SPINT2: variants seen among roughly 807,000 people sequenced by gnomAD.
SPINT2 encodes the protein kunitz-type protease inhibitor 2.
SPINT2 carries 18 observed loss-of-function variants against 30.1 expected under a neutral mutation model. The ratio of observed to expected loss-of-function variants is 0.60; its 90% CI spans 0.41 to 0.89. The LOEUF is 0.89. SPINT2 is among the 40% of genes least tolerant of loss of function. The probability of loss-of-function intolerance (pLI) is 0.00; values close to 1 mark genes in which losing one functional copy is unlikely to be tolerated. For missense variants in SPINT2, 276 were observed against 334.3 expected, an observed-to-expected ratio of 0.83 and a Z score of 1.36; for synonymous variants, 139 against 137.9, an observed-to-expected ratio of 1.01 and a Z score of -0.05.
At chr19:38,278,820 G>T (rs1402419685) in intron 1 of SPINT2, among the ~76,000 whole-genome samples, 4 of 151,980 alleles carry the variant, frequency 2.6e-5, no homozygotes, top group Non-Finnish European at 5.9e-5. Flanking sequence ...TAAATACAAG[G>T]TTTTTGCAGA....
chr19:38,288,333 C>T (rs1043816535), intron 3 of SPINT2: 6 of 360,082 alleles, frequency 1.7e-5, no homozygotes, highest in South Asian at 6.8e-5. Context: ...CTGTTGCCAT[C>T]GCTGTCCCCT....
chr19:38,274,971 G>A (rs1434756641), intron 1 of SPINT2, among the ~76,000 whole-genome samples: 1 of 152,164 alleles, frequency 6.6e-6, no homozygotes, highest in Non-Finnish European at 1.5e-5. Context: ...TCTGGATGGT[G>A]GCCCAGAGGA....
chr19:38,278,502 G>A (rs1383768119), intron 1 of SPINT2, among the ~76,000 whole-genome samples: 1 of 152,224 alleles, frequency 6.6e-6, no homozygotes, highest in Non-Finnish European at 1.5e-5. Flanking sequence ...TGATATGCCA[G>A]GCATCATGCT....
At position 38,283,671 on chromosome 19, in the gene SPINT2, A is replaced by G. The variant is rs202094610; in HGVS notation, c.151A>G (p.Met51Val). ...SKVVGRCRAS[M>V]PRWWYNVTDG... is the part of the protein sequence containing the mutation. ...GGTGGTGGGCAGATGCCGGGCCTCC[A>G]TGCCTAGGTGGTGGTACAATGTCAC... The change falls in exon 2 of 7, where the codon ATG (methionine) becomes GTG (valine). Residue 51 changes from methionine to valine, a missense_variant. Transcript: ENST00000301244. 132 of 1,614,050 alleles carry G rather than the reference A, an allele frequency of 8.2e-5. 2 individuals are homozygous for G. The highest frequency in any genetic ancestry group is 7.6e-4 in the South Asian group (69 of 91,074).
chr19:38,264,838 A>G lies in SPINT2; in HGVS notation c.-55A>G. The G allele has an allele frequency of 1.5e-5, 23 of 1,514,062 alleles. No homozygotes were observed. The highest frequency in any genetic ancestry group is 2.0e-5 in the Non-Finnish European group (23 of 1,129,928). The allele number at this position is 1,514,062 out of a possible 1,614,324, so 93.8% of individuals were successfully genotyped here. A position where few individuals can be genotyped will look rare whatever the true frequency, so the allele number is the denominator to read the frequency against. ...CGCGTTGAGGGGCTTCCCGCACCTG[A>G]TCGCGAGACCCCAACGGCTGGTGGC... On this transcript the variant is annotated 5_prime_UTR_variant, in exon 1 of 7. Coordinates refer to ENST00000301244, the MANE Select transcript of SPINT2 (RefSeq NM_021102.4).
At chr19:38,289,269 A>G in intron 4 of SPINT2, 78 bp downstream of exon 4, 22 of 1,273,536 alleles carry the variant, frequency 1.7e-5, no homozygotes, top group Non-Finnish European at 2.4e-5. Flanking sequence ...TGGGCGGATC[A>G]CGAGGTCAGG....
intron 1 of SPINT2, among the ~76,000 whole-genome samples, chr19:38,277,745 C>T (rs775286866): frequency 1.3e-5 from 2 of 152,192 alleles, no homozygotes; most frequent in Non-Finnish European, 2.9e-5. Flanking sequence ...AGAATGCCTG[C>T]GAGGATTTTG....
intron 1 of SPINT2, among the ~76,000 whole-genome samples, chr19:38,271,365 G>A (rs909261364): frequency 2.6e-5 from 4 of 151,920 alleles, no homozygotes; most frequent in African/African-American, 9.7e-5. Flanking sequence ...GGTGGCGGGC[G>A]CCTATAGTCC....
At position 38,290,519 on chromosome 19, in the gene SPINT2, C is replaced by G; in HGVS notation, c.554-18C>G. On this transcript the variant is annotated intron_variant, in intron 5 of 6. Transcript: ENST00000301244. The surrounding 1 kb of genome is among the most constrained non-coding windows in gnomAD (Gnocchi z 4.3). Reference sequence around the variant, plus strand: ...ATGGGGGCTGTGAGCTGACCTCAGGCTGTGTGTTCTCTTCCAGGCCAGCAG... The same window carrying G: ...ATGGGGGCTGTGAGCTGACCTCAGGGTGTGTGTTCTCTTCCAGGCCAGCAG... The G allele has an allele frequency of 6.2e-7, 1 of 1,614,064 alleles. No individual in the cohort carries two copies. The highest frequency in any genetic ancestry group is 8.5e-7 in the Non-Finnish European group (1 of 1,179,976).
At chr19:38,284,432 G>A (rs1968618266) in intron 2 of SPINT2, among the ~76,000 whole-genome samples, 2 of 152,190 alleles carry the variant, frequency 1.3e-5, no homozygotes, top group Non-Finnish European at 2.9e-5. Context: ...TAACTGGAAT[G>A]TGGATACTTT....
At chr19:38,287,093 G>A (rs1292564127) in intron 2 of SPINT2, among the ~76,000 whole-genome samples, 5 of 151,892 alleles carry the variant, frequency 3.3e-5, no homozygotes, top group South Asian at 2.1e-4. Flanking sequence ...GTGTGATCTC[G>A]GCTCACTACA....
chr19:38,274,608 A>T (rs1331199978), intron 1 of SPINT2, among the ~76,000 whole-genome samples: 1 of 152,088 alleles, frequency 6.6e-6, no homozygotes, highest in African/African-American at 2.4e-5. Context: ...ACTTGAGGTT[A>T]GGAGTTTGAG....
rs1290829258 is a variant in SPINT2, at chr19:38,292,248, C to CT, written c.*245dup. The CT allele has an allele frequency of 2.0e-6, 1 of 500,998 alleles. No homozygotes were observed. The allele number at this position is 500,998 out of a possible 1,614,324, so 31.0% of individuals were successfully genotyped here. A position where few individuals can be genotyped will look rare whatever the true frequency, so the allele number is the denominator to read the frequency against. On this transcript the variant is annotated 3_prime_UTR_variant, in exon 7 of 7. Coordinates refer to ENST00000301244, the MANE Select transcript of SPINT2 (RefSeq NM_021102.4). ...GAGTTGTTTCCTCGCTGATCGATTT[C>CT]TTTCCTCCAGGTAGAGTTTTCTTTG...
intron 2 of SPINT2, among the ~76,000 whole-genome samples, chr19:38,287,396 C>T (rs888816579): frequency 3.9e-5 from 6 of 151,928 alleles, no homozygotes; most frequent in Non-Finnish European, 5.9e-5. Context: ...GATGGGTTTT[C>T]GCAGTGTCGG....
At chr19:38,271,258 G>A (rs183610677) in intron 1 of SPINT2, among the ~76,000 whole-genome samples, 98 of 152,194 alleles carry the variant, frequency 6.4e-4, no homozygotes, top group African/African-American at 2.3e-3. Context: ...TTGGGAGGCC[G>A]AGGCAGGCGG....
chr19:38,277,872 C>T (rs532968383), intron 1 of SPINT2, among the ~76,000 whole-genome samples: 32 of 152,284 alleles, frequency 2.1e-4, no homozygotes, highest in African/African-American at 7.5e-4. Context: ...TATTCTGAAG[C>T]TTATGAGTTC....
intron 1 of SPINT2, among the ~76,000 whole-genome samples, chr19:38,271,425 G>A (rs1010377532): frequency 5.3e-5 from 8 of 151,996 alleles, no homozygotes; most frequent in African/African-American, 1.9e-4. Flanking sequence ...CCAGGAAGTG[G>A]AGCTTGCAGT....
chr19:38,271,327 TAAAA>T (rs976619786), intron 1 of SPINT2, among the ~76,000 whole-genome samples: 7 of 150,592 alleles, frequency 4.6e-5, no homozygotes, highest in Non-Finnish European at 1.0e-4. Flanking sequence ...CCGTTTCTAC[TAAAA>T]ATACAAAAAA....
chr19:38,274,708 C>T (rs1180587822), intron 1 of SPINT2, among the ~76,000 whole-genome samples: 2 of 151,686 alleles, frequency 1.3e-5, no homozygotes, highest in South Asian at 2.1e-4. Context: ...CCTAGCTACT[C>T]AGGAGGCTGA....
Sources: gnomAD v4.1 joint callset for allele counts (sites outside exome capture counted in the v4.1 genomes callset) on GRCh38, gnomAD v4.1.1 for gene constraint, Gnocchi (gnomAD v3.1) non-coding constraint, MANE v1.5 for transcripts, NCBI Gene and HGNC (gene_info 2026-07-23, HGNC 2026-07-21) for gene names.